Variants in CNTNAP3 observed in about 807,000 individuals in gnomAD.
CNTNAP3 encodes contactin associated protein family member 3, also known as contactin-associated protein-like 3.
CNTNAP3 carries 36 observed loss-of-function variants against 92.1 expected under a neutral mutation model. That is an observed-to-expected ratio of 0.39 (90% confidence interval 0.30 to 0.52). CNTNAP3 has a LOEUF of 0.52. Ranked by LOEUF, CNTNAP3 falls within the 20% of genes least tolerant of loss-of-function variation. The pLI is 0.76. For synonymous variants in CNTNAP3, 232 were observed against 422.3 expected (o/e 0.55, Z 5.53); for missense variants, 534 against 1,069.6 (o/e 0.50, Z 6.98).
In CNTNAP3 at chr9:39,067,977, T is replaced by C. The variant is rs1378459400; in HGVS notation, c.*5913A>G. Among the ~76,000 whole-genome samples the C allele has an allele frequency of 1.3e-5, 2 of 152,308 alleles. No homozygotes were observed. Among genetic ancestry groups the C allele is most frequent in the Non-Finnish European group, 1.5e-5 (1 of 68,056 alleles). Reference sequence around the variant, plus strand: ...ACATGCACTCTCAGTGAGAGTAATATTGTCCCCAAAACGACAGAAATTAGT... The same window carrying C: ...ACATGCACTCTCAGTGAGAGTAATACTGTCCCCAAAACGACAGAAATTAGT... On this transcript the variant is annotated 3_prime_UTR_variant, in exon 24 of 24. Coordinates refer to ENST00000297668, the MANE Select transcript of CNTNAP3 (RefSeq NM_033655.5).
At position 39,065,459 on chromosome 9, in the gene CNTNAP3, G is replaced by A. The variant is rs1825490839; in HGVS notation, c.*8431C>T. On this transcript the variant is annotated 3_prime_UTR_variant, in exon 24 of 24. Coordinates refer to ENST00000297668, the MANE Select transcript of CNTNAP3 (RefSeq NM_033655.5). Reference sequence around the variant, plus strand: ...AACGTTCTTGTGTAAGTCTTATAATGGGCATAAGTTTTCATTTCTTTTCAA... The same window carrying A: ...AACGTTCTTGTGTAAGTCTTATAATAGGCATAAGTTTTCATTTCTTTTCAA... 6.6e-6 allele frequency among the ~76,000 whole-genome samples: 1 copy of A among 151,420 alleles called. No homozygotes were observed. The highest frequency in any genetic ancestry group is 2.1e-4 in the South Asian group (1 of 4,766).
At chr9:39,116,246 C>T (rs1371847417) in intron 14 of CNTNAP3, among the ~76,000 whole-genome samples, 1 of 152,154 alleles carries the variant, frequency 6.6e-6, no homozygotes, top group Non-Finnish European at 1.5e-5. Context: ...AATAACCTGC[C>T]AATGCTCTCC....
intron 14 of CNTNAP3, among the ~76,000 whole-genome samples, chr9:39,116,936 CCAAAT>C (rs1820873166): frequency 6.6e-6 from 1 of 151,938 alleles, no homozygotes; most frequent in African/African-American, 2.4e-5. Flanking sequence ...TATTTTATGT[CCAAAT>C]CAATTATACT....
intron 15 of CNTNAP3, among the ~76,000 whole-genome samples, chr9:39,105,301 C>G (rs1361179075): frequency 6.6e-6 from 1 of 152,068 alleles, no homozygotes; most frequent in Non-Finnish European, 1.5e-5. Context: ...GTGGTGGGTG[C>G]CTGTAGTCCC....
At chr9:39,117,184 G>A (rs1030724760) in intron 14 of CNTNAP3, among the ~76,000 whole-genome samples, 2 of 152,014 alleles carry the variant, frequency 1.3e-5, no homozygotes, top group African/African-American at 4.8e-5. Flanking sequence ...TGGATACGGG[G>A]TTTTGCCACA....
At chr9:39,103,672 CA>C in intron 16 of CNTNAP3, 71 bp downstream of exon 16, 1 of 1,439,772 alleles carries the variant, frequency 6.9e-7, no homozygotes, top group Non-Finnish European at 9.4e-7. Context: ...GAAATACTAA[CA>C]TTTTGTTGAG....
At chr9:39,106,884 G>A (rs890318493) in intron 15 of CNTNAP3, among the ~76,000 whole-genome samples, 3 of 152,064 alleles carry the variant, frequency 2.0e-5, no homozygotes, top group Non-Finnish European at 2.9e-5. Flanking sequence ...TGTGATGCCT[G>A]GCACAGGACA....
At chr9:39,133,969 A>T (rs1244749047) in intron 12 of CNTNAP3, among the ~76,000 whole-genome samples, 1 of 152,178 alleles carries the variant, frequency 6.6e-6, no homozygotes, top group Non-Finnish European at 1.5e-5. Context: ...CGAACTGGAG[A>T]AATGAAGAAA....
At chr9:39,138,450 C>CA (rs1480990575) in intron 12 of CNTNAP3, among the ~76,000 whole-genome samples, 1 of 152,058 alleles carries the variant, frequency 6.6e-6, no homozygotes, top group Non-Finnish European at 1.5e-5. Context: ...GCTCTGAAAA[C>CA]AAAAAACAAA....
chr9:39,071,956 T>C lies in CNTNAP3; in HGVS notation c.*1934A>G, dbSNP rs1315525654. Among the ~76,000 whole-genome samples the C allele has an allele frequency of 3.6e-5, 4 of 112,386 alleles. No individual in the cohort carries two copies. The highest frequency in any genetic ancestry group is 1.9e-4 in the Admixed American group (2 of 10,730). The allele number at this position is 112,386 out of a possible 152,430, so 73.7% of individuals were successfully genotyped here. On this transcript the variant is annotated 3_prime_UTR_variant, in exon 24 of 24. Coordinates refer to ENST00000297668, the MANE Select transcript of CNTNAP3 (RefSeq NM_033655.5). ...ATAAATTTTAAAAAGCATATAATTC[T>C]GTAATTTTAATTTTATAGAGCTTTC...
At chr9:39,075,620 G>C (rs922553874) in intron 23 of CNTNAP3, among the ~76,000 whole-genome samples, 1 of 152,302 alleles carries the variant, frequency 6.6e-6, no homozygotes, top group African/African-American at 2.4e-5. Flanking sequence ...ATTCTTACCA[G>C]CTCAGGGATG....
rs564300641 is a variant in CNTNAP3 at position 39,100,472 on chromosome 9, A to C, written c.2756-322T>G. 2.0e-5 allele frequency among the ~76,000 whole-genome samples: 3 copies of C among 152,292 alleles called. No individual in the cohort carries two copies. In the South Asian group the frequency reaches 6.2e-4, roughly 32 times the overall value. On this transcript the variant is annotated intron_variant, in intron 17 of 23. Transcript: ENST00000297668. The stretch of plus-strand genomic sequence containing the variant: ...AAATACATAATATAAACCACATCAA[A>C]CACTATTCTACTTTGTTTAGGAATA...
At chr9:39,138,836 G>A (rs1324603230) in intron 12 of CNTNAP3, among the ~76,000 whole-genome samples, 2 of 152,132 alleles carry the variant, frequency 1.3e-5, no homozygotes, top group Non-Finnish European at 2.9e-5. Context: ...ATATAAGCCT[G>A]CCTGTCTCTC....
In CNTNAP3 at chr9:39,133,025, C is replaced by A; in HGVS notation, c.1987G>T (p.Ala663Ser). ...TTCACCGCGGACCGCAGCTGCCCCGCGCCCGCTGCGTACGCGAAGGACACA... is the reference window on the plus strand; with the variant it reads ...TTCACCGCGGACCGCAGCTGCCCCGAGCCCGCTGCGTACGCGAAGGACACA... ...SAVSFAYAAG[A>S]GQLRSAVNLA... The change falls in exon 13 of 24, where the codon GCG becomes TCG. Residue 663 changes from alanine (A) to serine (S), a missense_variant. Transcript: ENST00000297668. 1.3e-6 allele frequency: 2 copies of A among 1,542,902 alleles called. No homozygotes were observed.
chr9:39,122,444 A>G (rs1040290152), intron 13 of CNTNAP3, among the ~76,000 whole-genome samples: 4 of 152,156 alleles, frequency 2.6e-5, no homozygotes, highest in Admixed American at 6.6e-5. Flanking sequence ...ACATCAGTAC[A>G]TTACCTGTAT....
chr9:39,111,845 TAA>T (rs1826755297), intron 14 of CNTNAP3, among the ~76,000 whole-genome samples: 2 of 152,128 alleles, frequency 1.3e-5, no homozygotes, highest in Non-Finnish European at 2.9e-5. Flanking sequence ...GATACTATAA[TAA>T]AGTCTTGTTT....
chr9:39,114,055 C>T (rs186050963), intron 14 of CNTNAP3, among the ~76,000 whole-genome samples: 370 of 144,524 alleles, frequency 2.6e-3, no homozygotes, highest in African/African-American at 8.8e-3. Context: ...CACACACACA[C>T]ATATATATAT....
At chr9:39,105,418 C>T (rs926321651) in intron 15 of CNTNAP3, among the ~76,000 whole-genome samples, 1 of 152,152 alleles carries the variant, frequency 6.6e-6, no homozygotes, top group African/African-American at 2.4e-5. Context: ...CAGAGCAACT[C>T]TCCATCTCAA....
At chr9:39,137,533 G>A (rs1821470077) in intron 12 of CNTNAP3, among the ~76,000 whole-genome samples, 1 of 151,930 alleles carries the variant, frequency 6.6e-6, no homozygotes, top group African/African-American at 2.4e-5. Context: ...GTTTTTTTGA[G>A]ACAAAGTCTT....
Sources: gnomAD v4.1 joint callset for allele counts (sites outside exome capture counted in the v4.1 genomes callset) on GRCh38, gnomAD v4.1.1 for gene constraint, MANE v1.5 for transcripts, NCBI Gene and HGNC (gene_info 2026-07-23, HGNC 2026-07-21) for gene names.